The following PDZD9 variants were observed in gnomAD, a reference collection of about 807,000 sequenced individuals.
The protein encoded by PDZD9 is PDZ domain containing 9.
A neutral mutation model predicts 16.3 loss-of-function variants in PDZD9; 13 were observed. That is an observed-to-expected ratio of 0.80 (90% confidence interval 0.52 to 1.27). PDZD9 has a LOEUF of 1.27. Among genes scored for constraint, PDZD9 ranks in the 50% most tolerant of loss-of-function variants. The pLI is 0.00. For synonymous variants in PDZD9, 120 were observed against 111.0 expected, an observed-to-expected ratio of 1.08 and a Z score of -0.51; for missense variants, 288 against 310.9, an observed-to-expected ratio of 0.93 and a Z score of 0.55.
At chr16:21,972,246 G>T in the PDZD9 span, 1 of 1,263,526 alleles carries the variant, frequency 7.9e-7, no homozygotes, top group Non-Finnish European at 1.1e-6. Context: ...CAATTGAAGA[G>T]ATAGCCAGGC....
chr16:21,976,263 GT>G, the PDZD9 span: 1 of 1,582,834 alleles, frequency 6.3e-7, no homozygotes, highest in Non-Finnish European at 8.7e-7. Flanking sequence ...AGTATTAACT[GT>G]GTTTTATGTT....
the PDZD9 span, among the ~76,000 whole-genome samples, chr16:21,965,946 A>G: frequency 6.6e-6 from 1 of 152,090 alleles, no homozygotes; most frequent in Non-Finnish European, 1.5e-5. Flanking sequence ...TGCCTCTCAA[A>G]GTGCTGGGAT....
At chr16:21,966,049 C>A in the PDZD9 span, among the ~76,000 whole-genome samples, 4 of 151,272 alleles carry the variant, frequency 2.6e-5, no homozygotes, top group Admixed American at 6.6e-5. Flanking sequence ...CCCAGTGGCT[C>A]ATGCGTGTAA....
the PDZD9 span, chr16:21,976,162 C>T: frequency 6.2e-7 from 1 of 1,613,234 alleles, no homozygotes; most frequent in Non-Finnish European, 8.5e-7. Flanking sequence ...TCTTATCTGT[C>T]CTAGGTTATC....
At chr16:21,985,656 C>G (rs1186698671) in intron 3 of PDZD9, among the ~76,000 whole-genome samples, 1 of 152,186 alleles carries the variant, frequency 6.6e-6, no homozygotes, top group Non-Finnish European at 1.5e-5. Context: ...AAAACTAGAT[C>G]TTTGTGATTA....
downstream of PDZD9, among the ~76,000 whole-genome samples, chr16:21,981,964 C>T (rs751092883): frequency 5.0e-4 from 76 of 151,344 alleles, no homozygotes; most frequent in Non-Finnish European, 9.1e-4. Flanking sequence ...CCTCAGCCTT[C>T]CTAGTAACTG....
chr16:21,966,802 A>G, the PDZD9 span, among the ~76,000 whole-genome samples: 1 of 152,238 alleles, frequency 6.6e-6, no homozygotes, highest in African/African-American at 2.4e-5. Context: ...AAAACTTAGC[A>G]AAAGTTTATC....
chr16:21,979,718 G>A (rs1043198997), downstream of PDZD9, among the ~76,000 whole-genome samples: 9 of 150,130 alleles, frequency 6.0e-5, no homozygotes, highest in African/African-American at 1.5e-4. Context: ...GTGCACTGCT[G>A]TAGATACTAA....
the PDZD9 span, chr16:21,961,234 T>C: frequency 5.5e-6 from 2 of 363,004 alleles, no homozygotes; most frequent in South Asian, 2.0e-5. Context: ...AATCAAGGAA[T>C]ATCTGGTAAT....
the PDZD9 span, among the ~76,000 whole-genome samples, chr16:21,970,706 CTCCCGAGTAGCTG>C: frequency 1.3e-5 from 2 of 152,158 alleles, no homozygotes; most frequent in Non-Finnish European, 2.9e-5. Flanking sequence ...CGGCCTCAGC[CTCCCGAGTAGCTG>C]GGATTACAGG....
At chr16:21,991,104 G>T (rs1899010516) in intron 2 of PDZD9, among the ~76,000 whole-genome samples, 1 of 152,098 alleles carries the variant, frequency 6.6e-6, no homozygotes, top group Admixed American at 6.6e-5. Context: ...CAAGGCTAAG[G>T]ACCATGTCTG....
chr16:21,962,549 T>C, the PDZD9 span: 1 of 1,613,562 alleles, frequency 6.2e-7, no homozygotes, highest in Non-Finnish European at 8.5e-7. Context: ...GACTTCTGCT[T>C]TGAAAGAAAT....
chr16:21,974,555 T>C, the PDZD9 span, among the ~76,000 whole-genome samples: 7 of 152,108 alleles, frequency 4.6e-5, no homozygotes, highest in Non-Finnish European at 7.4e-5. Context: ...ACATCATGGG[T>C]GATCTTAACA....
In PDZD9 at chr16:21,988,583, C is replaced by T. The variant is rs1263446962; in HGVS notation, c.401+19G>A. On this transcript the variant is annotated intron_variant, in intron 3 of 3. Transcript: ENST00000424898. Reference sequence around the variant, plus strand: ...GGATTCTGTATTATAACAAAGAGTTCCTAAAATGAACTATTTACCTTGTTA... The same window carrying T: ...GGATTCTGTATTATAACAAAGAGTTTCTAAAATGAACTATTTACCTTGTTA... 1 of 1,578,356 alleles carries T rather than the reference C, an allele frequency of 6.3e-7. No homozygotes were observed. Among genetic ancestry groups the T allele is most frequent in the African/African-American group, 1.4e-5 (1 of 73,418 alleles).
the PDZD9 span, among the ~76,000 whole-genome samples, chr16:21,963,787 T>G: frequency 6.6e-6 from 1 of 152,018 alleles, no homozygotes; most frequent in East Asian, 1.9e-4. Flanking sequence ...TTTTTAAGAG[T>G]TGTTTTGCTT....
the PDZD9 span, among the ~76,000 whole-genome samples, chr16:21,972,497 A>G: frequency 1.4e-4 from 22 of 152,054 alleles, no homozygotes; most frequent in Admixed American, 1.4e-3. Flanking sequence ...GAATCTCACT[A>G]TTTGTTTTCC....
chr16:22,000,358 C>G (rs1190654097), intron 1 of PDZD9, among the ~76,000 whole-genome samples: 1 of 115,208 alleles, frequency 8.7e-6, no homozygotes, highest in Non-Finnish European at 1.9e-5. Context: ...ATGGAAAAGG[C>G]AAAAAAAAAA....
chr16:21,969,248 T>C, the PDZD9 span, among the ~76,000 whole-genome samples: 12 of 152,148 alleles, frequency 7.9e-5, no homozygotes, highest in East Asian at 1.9e-3. Context: ...CTGTTAAAAT[T>C]CTAGGCTGGG....
chr16:21,999,028 A>C (rs1899223234), intron 1 of PDZD9: 1 of 180,656 alleles, frequency 5.5e-6, no homozygotes, highest in Non-Finnish European at 1.3e-5. Flanking sequence ...TGAAAAAACT[A>C]GTTGAGAAAG....
Sources: allele counts gnomAD v4.1 joint callset (sites outside exome capture counted in the v4.1 genomes callset), GRCh38; gene constraint gnomAD v4.1.1; transcripts MANE v1.5; gene names NCBI Gene and HGNC (gene_info 2026-07-23, HGNC 2026-07-21).